Variants in SLC9A9 observed in about 807,000 individuals in gnomAD.
The protein encoded by SLC9A9 is sodium/hydrogen exchanger 9.
SLC9A9 carries 62 observed loss-of-function variants against 77.8 expected under a neutral mutation model. The observed-to-expected ratio is 0.80, with a 90% CI of 0.65 to 0.98. SLC9A9 has a LOEUF of 0.98. Ranked by LOEUF, SLC9A9 falls within the 50% of genes least tolerant of loss-of-function variation. The pLI is 0.00. For synonymous variants in SLC9A9, 320 were observed against 283.5 expected (o/e 1.13, Z -1.29); for missense variants, 775 against 774.9 (o/e 1.00, Z 0.00).
At chr3:143,540,325 A>G (rs2036666120) in intron 9 of SLC9A9, among the ~76,000 whole-genome samples, 1 of 152,230 alleles carries the variant, frequency 6.6e-6, no homozygotes, top group African/African-American at 2.4e-5. Flanking sequence ...TAAATAGGTG[A>G]ACAGGATAGA....
chr3:143,511,621 G>T (rs1215971041), intron 9 of SLC9A9, among the ~76,000 whole-genome samples: 1 of 152,188 alleles, frequency 6.6e-6, no homozygotes, highest in African/African-American at 2.4e-5. Flanking sequence ...GACCACTTGT[G>T]CAGTATTAAC....
chr3:143,552,926 G>A (rs549569411), intron 8 of SLC9A9, among the ~76,000 whole-genome samples: 3 of 152,292 alleles, frequency 2.0e-5, no homozygotes, highest in African/African-American at 7.2e-5. Context: ...TAAAAGTCAT[G>A]AGTGACAAAC....
At chr3:143,466,289 G>A (rs937645810) in intron 12 of SLC9A9, among the ~76,000 whole-genome samples, 2 of 152,168 alleles carry the variant, frequency 1.3e-5, no homozygotes, top group Admixed American at 6.5e-5. Context: ...TTTGCCTAAA[G>A]CACTGTTATT....
intron 6 of SLC9A9, among the ~76,000 whole-genome samples, chr3:143,579,105 C>T (rs1475444648): frequency 6.6e-6 from 1 of 152,140 alleles, no homozygotes; most frequent in Non-Finnish European, 1.5e-5. Context: ...CACAGATGTT[C>T]CTGATAAAAA....
At chr3:143,821,820 C>G (rs2009172558) in intron 2 of SLC9A9, among the ~76,000 whole-genome samples, 1 of 152,214 alleles carries the variant, frequency 6.6e-6, no homozygotes, top group Non-Finnish European at 1.5e-5. Flanking sequence ...CCACTGCAGT[C>G]ATTTTACTCC....
intron 14 of SLC9A9, among the ~76,000 whole-genome samples, chr3:143,270,441 GAGAGC>G (rs1422977647): frequency 3.9e-5 from 6 of 152,160 alleles, no homozygotes; most frequent in Non-Finnish European, 7.3e-5. Context: ...GGGTTTTCTG[GAGAGC>G]AAAGCACAAG....
chr3:143,822,989 C>T, intron 2 of SLC9A9, among the ~76,000 whole-genome samples: 1 of 84,014 alleles, frequency 1.2e-5, no homozygotes. Flanking sequence ...CATAATTCAC[C>T]CTGAGGAGAA....
intron 12 of SLC9A9, among the ~76,000 whole-genome samples, chr3:143,418,041 C>G (rs1022319198): frequency 2.0e-5 from 3 of 151,328 alleles, no homozygotes; most frequent in Admixed American, 1.3e-4. Flanking sequence ...GTTTTGAGCA[C>G]CAAAAAGTTG....
intron 9 of SLC9A9, among the ~76,000 whole-genome samples, chr3:143,525,168 G>A (rs2036383420): frequency 6.6e-6 from 1 of 152,218 alleles, no homozygotes; most frequent in African/African-American, 2.4e-5. Flanking sequence ...AAAGGAGGAT[G>A]AAGTTAATTT....
At chr3:143,799,984 C>T (rs1338232552) in intron 2 of SLC9A9, among the ~76,000 whole-genome samples, 1 of 152,200 alleles carries the variant, frequency 6.6e-6, no homozygotes, top group African/African-American at 2.4e-5. Flanking sequence ...CTGGTGCCAA[C>T]TTAGACAATA....
chr3:143,848,101 C>A (rs747253968), intron 1 of SLC9A9, 47 bp downstream of exon 1: 1 of 1,547,908 alleles, frequency 6.5e-7, no homozygotes, highest in Non-Finnish European at 8.9e-7. Context: ...TCTCTAATTA[C>A]GCTCAAGCAA....
chr3:143,788,655 C>T (rs1397569272), intron 4 of SLC9A9, among the ~76,000 whole-genome samples: 1 of 139,444 alleles, frequency 7.2e-6, no homozygotes, highest in Admixed American at 7.7e-5. Context: ...CACGCCATTG[C>T]ACTCCAGCCT....
At chr3:143,704,314 A>T (rs535839867) in intron 4 of SLC9A9, among the ~76,000 whole-genome samples, 1 of 152,356 alleles carries the variant, frequency 6.6e-6, no homozygotes, top group East Asian at 1.9e-4. Flanking sequence ...TATTGATGCA[A>T]ATATCTTCAG....
chr3:143,475,608 C>T (rs1329643928), intron 11 of SLC9A9, among the ~76,000 whole-genome samples: 7 of 151,904 alleles, frequency 4.6e-5, no homozygotes, highest in Admixed American at 1.3e-4. Context: ...CTGGCTAACA[C>T]GGTGAAACCC....
intron 4 of SLC9A9, among the ~76,000 whole-genome samples, chr3:143,730,882 G>T (rs937277063): frequency 2.0e-5 from 3 of 152,092 alleles, no homozygotes; most frequent in African/African-American, 4.8e-5. Context: ...AAAGAAAAAG[G>T]TTTATCGCTA....
intron 14 of SLC9A9, among the ~76,000 whole-genome samples, chr3:143,305,617 A>ATAG (rs2030746313): frequency 6.6e-6 from 1 of 152,232 alleles, no homozygotes; most frequent in African/African-American, 2.4e-5. Context: ...GAGAGTCTAC[A>ATAG]GAAGAGGCTG....
intron 4 of SLC9A9, among the ~76,000 whole-genome samples, chr3:143,787,998 G>A (rs1164756352): frequency 1.3e-5 from 2 of 152,062 alleles, no homozygotes; most frequent in African/African-American, 4.8e-5. Context: ...GACTTATTAT[G>A]AAGTTAAAAT....
chr3:143,291,488 AATC>A (rs1275708764), intron 14 of SLC9A9, among the ~76,000 whole-genome samples: 1 of 152,160 alleles, frequency 6.6e-6, no homozygotes, highest in African/African-American at 2.4e-5. Flanking sequence ...GGCTGGCCTT[AATC>A]ATATGCCAAA....
intron 2 of SLC9A9, among the ~76,000 whole-genome samples, chr3:143,808,783 T>C (rs147479850): frequency 1.1e-4 from 16 of 152,204 alleles, no homozygotes; most frequent in African/African-American, 3.9e-4. Flanking sequence ...AATAGTGTGG[T>C]ACCTAATTCT....
Sources: gnomAD v4.1 joint callset for allele counts (sites outside exome capture counted in the v4.1 genomes callset) on GRCh38, gnomAD v4.1.1 for gene constraint, MANE v1.5 for transcripts, NCBI Gene and HGNC (gene_info 2026-07-23, HGNC 2026-07-21) for gene names.